Variants in ILRUN observed in about 807,000 individuals in gnomAD.
The protein encoded by ILRUN is inflammation and lipid regulator with UBA-like and NBR1-like domains.
Under a neutral mutation model 33.8 loss-of-function variants are expected in ILRUN, and 3 were observed. The ratio of observed to expected loss-of-function variants is 0.09; its 90% confidence interval spans 0.04 to 0.23. The LOEUF (loss-of-function observed/expected upper bound fraction) is 0.23, where lower values mean the gene tolerates loss of function less well. Ranked by LOEUF, ILRUN falls within the 10% of genes least tolerant of loss-of-function variation. The pLI is 1.00. For synonymous variants in ILRUN, 124 were observed against 138.9 expected, an observed-to-expected ratio of 0.89 and a Z score of 0.75; for missense variants, 210 against 375.1, an observed-to-expected ratio of 0.56 and a Z score of 3.64.
chr6:34,603,938 C>CA (rs1761571817), intron 4 of ILRUN, among the ~76,000 whole-genome samples: 1 of 152,194 alleles, frequency 6.6e-6, no homozygotes, highest in African/African-American at 2.4e-5. Flanking sequence ...GGAGCTGACT[C>CA]AACTTTAGCC....
chr6:34,646,912 C>T lies in ILRUN; in HGVS notation c.314-114G>A, dbSNP rs1484689988. On this transcript the variant is annotated intron_variant, in intron 2 of 4. Transcript: ENST00000374023. This position sits in a 1 kb window ranked among gnomAD's most constrained non-coding sequence, Gnocchi z 4.9. ...TCTTTTTCTCACATACATACATAAA[C>T]CTAACCACATATACCTAAGCCATAT... 3 of 885,904 alleles carry T rather than the reference C, an allele frequency of 3.4e-6. No individual in the cohort carries two copies. In the Admixed American group the frequency reaches 6.3e-5, roughly 19 times the overall value. The allele number at this position is 885,904 out of a possible 1,614,324, so 54.9% of individuals were successfully genotyped here.
At chr6:34,637,175 G>T (rs1410029916) in intron 3 of ILRUN, among the ~76,000 whole-genome samples, 1 of 152,000 alleles carries the variant, frequency 6.6e-6, no homozygotes, top group African/African-American at 2.4e-5. Context: ...ACTCTGACAG[G>T]GCTATATTCC....
At chr6:34,638,430 T>C (rs1190732067) in intron 3 of ILRUN, among the ~76,000 whole-genome samples, 1 of 152,160 alleles carries the variant, frequency 6.6e-6, no homozygotes, top group African/African-American at 2.4e-5. Context: ...AAAATGAAAT[T>C]TGGCAGGTTG....
chr6:34,614,431 T>TTAA (rs1562002870), intron 3 of ILRUN, among the ~76,000 whole-genome samples: 1 of 113,974 alleles, frequency 8.8e-6, no homozygotes, highest in African/African-American at 3.4e-5. Flanking sequence ...CAAAAAATAA[T>TTAA]AAAAAAAAAA....
At chr6:34,598,533 T>C (rs1330504463) in intron 4 of ILRUN, among the ~76,000 whole-genome samples, 1 of 152,188 alleles carries the variant, frequency 6.6e-6, no homozygotes, top group Non-Finnish European at 1.5e-5. Flanking sequence ...GGGAAGAGAA[T>C]GGGCCCTTAT....
At chr6:34,689,091 T>G (rs1763591302) in intron 1 of ILRUN, among the ~76,000 whole-genome samples, 1 of 152,174 alleles carries the variant, frequency 6.6e-6, no homozygotes, top group Non-Finnish European at 1.5e-5. Flanking sequence ...ATTTTGGGGT[T>G]ATGAAAAAGT....
intron 1 of ILRUN, among the ~76,000 whole-genome samples, chr6:34,674,826 C>T (rs774589209): frequency 1.1e-4 from 17 of 152,136 alleles, no homozygotes; most frequent in Non-Finnish European, 2.1e-4. Flanking sequence ...TTTGGGAGGC[C>T]AGGCAGGAGG....
chr6:34,614,439 A>ATATATATATATATATATATATATATAT, intron 3 of ILRUN, among the ~76,000 whole-genome samples: 1 of 122,498 alleles, frequency 8.2e-6, no homozygotes, highest in African/African-American at 3.8e-5. Flanking sequence ...AATAAAAAAA[A>ATATATATATATATATATATATATATAT]AAAAATATAT....
rs551408277 is a variant in ILRUN at position 34,593,490 on chromosome 6, C to T, written c.862-2890G>A. Among the ~76,000 whole-genome samples, 35 of 152,286 alleles carry T rather than the reference C, an allele frequency of 2.3e-4. No homozygotes were observed. The East Asian group carries it at 4.4e-3, about 19-fold the overall frequency. On this transcript the variant is annotated intron_variant, in intron 4 of 4. Transcript: ENST00000374023. Reference sequence around the variant, plus strand: ...CAATTGGAAGAAACAGGAATAAAGACGTGTGCATTTTCAGATTTCCTTTGA... The same window carrying T: ...CAATTGGAAGAAACAGGAATAAAGATGTGTGCATTTTCAGATTTCCTTTGA...
chr6:34,696,742 C>A lies in ILRUN; in HGVS notation c.-139G>T. The A allele has an allele frequency of 1.3e-6, 1 of 772,472 alleles. No individual in the cohort carries two copies. The allele number at this position is 772,472 out of a possible 1,614,324, so 47.9% of individuals were successfully genotyped here. ...TTTGAGGTAGGCCCCGGGCCTCTCA[C>A]AGTCTCATAGGGGTAAACTCACTCT... is the stretch of plus-strand genomic sequence containing the variant. On this transcript the variant is annotated 5_prime_UTR_variant, in exon 1 of 5. Coordinates refer to ENST00000374023, the MANE Select transcript of ILRUN (RefSeq NM_024294.4).
rs1298007854 is a variant in ILRUN, at chr6:34,592,364, G to A, written c.862-1764C>T. On this transcript the variant is annotated intron_variant, in intron 4 of 4. Coordinates refer to ENST00000374023, the MANE Select transcript of ILRUN (RefSeq NM_024294.4). This position sits in a 1 kb window ranked among gnomAD's most constrained non-coding sequence, Gnocchi z 4.0. ...CTGGTGAGGGAAGCAACTGGCATTT[G>A]CCAAAATGCCACATGGCTGTCAGCC... Among the ~76,000 whole-genome samples the A allele has an allele frequency of 1.3e-5, 2 of 152,214 alleles. No individual in the cohort carries two copies. Among genetic ancestry groups the A allele is most frequent in the Admixed American group, 6.5e-5 (1 of 15,278 alleles).
intron 3 of ILRUN, among the ~76,000 whole-genome samples, chr6:34,615,737 C>T (rs1042945739): frequency 3.9e-5 from 6 of 152,130 alleles, no homozygotes; most frequent in African/African-American, 4.8e-5. Flanking sequence ...AACCATCATG[C>T]GCCCAAGTCC....
At chr6:34,612,213 C>A (rs528663106) in intron 3 of ILRUN, among the ~76,000 whole-genome samples, 2 of 141,142 alleles carry the variant, frequency 1.4e-5, no homozygotes, top group African/African-American at 2.6e-5. Flanking sequence ...CAGGAGTTTG[C>A]GACCAGCCTA....
At chr6:34,686,134 AGAC>A (rs1277559043) in intron 1 of ILRUN, among the ~76,000 whole-genome samples, 3 of 152,192 alleles carry the variant, frequency 2.0e-5, no homozygotes, top group African/African-American at 7.2e-5. Flanking sequence ...GAAAGTGAAA[AGAC>A]AGCCTACAGA....
At chr6:34,663,665 T>A (rs138159039) in intron 1 of ILRUN, among the ~76,000 whole-genome samples, 34 of 152,250 alleles carry the variant, frequency 2.2e-4, no homozygotes, top group African/African-American at 8.2e-4. Flanking sequence ...AAAAAGCAAT[T>A]TTACCGAGGT....
At chr6:34,627,582 CAT>C (rs1260877549) in intron 3 of ILRUN, among the ~76,000 whole-genome samples, 1 of 152,112 alleles carries the variant, frequency 6.6e-6, no homozygotes, top group African/African-American at 2.4e-5. Flanking sequence ...AGTGATATCT[CAT>C]AGTTGTTTTA....
rs115156052 is a variant in ILRUN at position 34,651,703 on chromosome 6, A to G, written c.313+2922T>C. Among the ~76,000 whole-genome samples the G allele has an allele frequency of 8.8e-3, 1,324 of 150,092 alleles. 10 individuals are homozygous for G. The highest frequency in any genetic ancestry group is 0.024 in the Middle Eastern group (7 of 294). On this transcript the variant is annotated intron_variant, in intron 2 of 4. Transcript: ENST00000374023. ...AAATAAACAAATAAAACTTGAATTC[A>G]AGTCACACTTTCCAAACAAACCTCA... is the stretch of plus-strand genomic sequence containing the variant.
chr6:34,630,909 C>T (rs946743416), intron 3 of ILRUN, among the ~76,000 whole-genome samples: 1 of 152,164 alleles, frequency 6.6e-6, no homozygotes, highest in Non-Finnish European at 1.5e-5. Context: ...CAGTTGTGTC[C>T]AGTCACTAAC....
At chr6:34,683,442 A>ATATATATG (rs1763427122) in intron 1 of ILRUN, among the ~76,000 whole-genome samples, 2 of 71,722 alleles carry the variant, frequency 2.8e-5, no homozygotes, top group African/African-American at 1.4e-4. Flanking sequence ...ATATATATAC[A>ATATATATG]TATATATATA....
Sources: gnomAD v4.1 joint callset for allele counts (sites outside exome capture counted in the v4.1 genomes callset) on GRCh38, gnomAD v4.1.1 for gene constraint, Gnocchi (gnomAD v3.1) non-coding constraint, MANE v1.5 for transcripts, NCBI Gene and HGNC (gene_info 2026-07-23, HGNC 2026-07-21) for gene names.